The following TBC1D9B variants were observed in gnomAD, a reference collection of about 807,000 sequenced individuals.
The protein encoded by TBC1D9B is TBC1 domain family, member 9B (with GRAM domain).
In TBC1D9B, 87 loss-of-function variants were observed where a neutral mutation model predicts 121.1. That is an observed-to-expected ratio of 0.72 (90% CI 0.60 to 0.86). TBC1D9B has a LOEUF of 0.86. Among genes scored for constraint, TBC1D9B ranks in the 40% least tolerant of loss-of-function variants. The probability of loss-of-function intolerance (pLI) is 0.00; values close to 1 mark genes in which losing one functional copy is unlikely to be tolerated. For missense variants in TBC1D9B, 1,540 were observed against 1,628.6 expected, an observed-to-expected ratio of 0.95 and a Z score of 0.94; for synonymous variants, 668 against 670.1, an observed-to-expected ratio of 1.00 and a Z score of 0.05.
chr5:179,879,361 C>T, intron 8 of TBC1D9B, 164 bp from the exon 9 acceptor site: 1 of 1,209,846 alleles, frequency 8.3e-7, no homozygotes, highest in South Asian at 1.5e-5. Flanking sequence ...GCCACACCTC[C>T]CAAGGCTCAG....
chr5:179,870,597 G>A (rs1760163451), intron 15 of TBC1D9B, 102 bp from the exon 16 acceptor site: 2 of 1,458,710 alleles, frequency 1.4e-6, no homozygotes, highest in Non-Finnish European at 1.8e-6. Flanking sequence ...GTCCAAGCCT[G>A]CGGAGCCCTG....
chr5:179,884,535 G>T (rs932048102), intron 7 of TBC1D9B: 23 of 152,134 alleles, frequency 1.5e-4, no homozygotes, highest in Non-Finnish European at 2.4e-4. Flanking sequence ...GTCCCCAAAA[G>T]AACTGAAAGT....
intron 3 of TBC1D9B, among the ~76,000 whole-genome samples, chr5:179,896,982 C>G (rs1582102509): frequency 6.6e-6 from 1 of 152,220 alleles, no homozygotes; most frequent in Admixed American, 6.5e-5. Context: ...TCTCGGCTCA[C>G]TGCAACCTCC....
Position 179,891,010 on chromosome 5 carries a change from C to T in TBC1D9B, c.1044+369G>A, listed in dbSNP as rs939027132. On this transcript the variant is annotated intron_variant, in intron 6 of 20. Coordinates refer to ENST00000355235, the MANE Select transcript of TBC1D9B (RefSeq NM_015043.4). This position sits in a 1 kb window ranked among gnomAD's most constrained non-coding sequence, Gnocchi z 4.3. ...GGCCTCTGAGAGTGACATATGGGAC[C>T]GGTGCAGGAACACGGTCCTCTAAGC... 1.3e-5 allele frequency among the ~76,000 whole-genome samples: 2 copies of T among 152,224 alleles called. No individual in the cohort carries two copies. Among genetic ancestry groups the T allele is most frequent in the Non-Finnish European group, 1.5e-5 (1 of 68,028 alleles).
At chr5:179,878,693 C>T (rs1388852025) in intron 9 of TBC1D9B, among the ~76,000 whole-genome samples, 170 bp from the exon 10 acceptor site, 2 of 152,138 alleles carry the variant, frequency 1.3e-5, no homozygotes, top group Admixed American at 6.5e-5. Context: ...GTGCTCTACC[C>T]GAAAGTTCAA....
chr5:179,900,829 T>C (rs1761146149), intron 2 of TBC1D9B, among the ~76,000 whole-genome samples: 1 of 152,196 alleles, frequency 6.6e-6, no homozygotes, highest in Admixed American at 6.5e-5. Context: ...ACTACGGCAC[T>C]ATGCTCGGGA....
At chr5:179,899,535 T>G (rs1414680946) in intron 2 of TBC1D9B, among the ~76,000 whole-genome samples, 1 of 152,210 alleles carries the variant, frequency 6.6e-6, no homozygotes, top group African/African-American at 2.4e-5. Context: ...CACAGTCGTG[T>G]GGGAGAGAAT....
Position 179,879,803 on chromosome 5 carries a change from C to A in TBC1D9B, c.1255-14G>T. On this transcript the variant is annotated splice_polypyrimidine_tract_variant and intron_variant, in intron 7 of 20. Transcript: ENST00000355235. Reference sequence around the variant, plus strand: ...AGCTGGGGAAGACTAGAAAATAAAACAGGGAAGGGGACGCCCTAACAACTG... The same window carrying A: ...AGCTGGGGAAGACTAGAAAATAAAAAAGGGAAGGGGACGCCCTAACAACTG... The A allele has an allele frequency of 6.2e-7, 1 of 1,602,410 alleles. No individual in the cohort carries two copies. Among genetic ancestry groups the A allele is most frequent in the Non-Finnish European group, 8.5e-7 (1 of 1,174,640 alleles).
At chr5:179,905,288 A>T (rs1761281156) in intron 1 of TBC1D9B, among the ~76,000 whole-genome samples, 1 of 152,350 alleles carries the variant, frequency 6.6e-6, no homozygotes, top group East Asian at 1.9e-4. Flanking sequence ...TCTTCCGGAC[A>T]GTTCTGGTCC....
At chr5:179,867,613 C>T (rs931780321) in intron 18 of TBC1D9B, 165 bp downstream of exon 18, 25 of 1,488,300 alleles carry the variant, frequency 1.7e-5, no homozygotes, top group Non-Finnish European at 2.1e-5. Flanking sequence ...GCCCCAGCCC[C>T]CGCCAGCATG....
Position 179,904,858 on chromosome 5 carries a change from C to A in TBC1D9B, c.119-46G>T. 7.0e-7 allele frequency: 1 copy of A among 1,435,430 alleles called. No individual in the cohort carries two copies. The highest frequency in any genetic ancestry group is 9.5e-7 in the Non-Finnish European group (1 of 1,057,092). The allele number at this position is 1,435,430 out of a possible 1,614,324, so 88.9% of individuals were successfully genotyped here. A position where few individuals can be genotyped will look rare whatever the true frequency, so the allele number is the denominator to read the frequency against. ...CATAGAGGGTGAGGGGAGGGCCGGA[C>A]TGAGGCCCCTGAAGGCTGAGTCTGG... On this transcript the variant is annotated intron_variant, in intron 1 of 20. Transcript: ENST00000355235. This position sits in a 1 kb window ranked among gnomAD's most constrained non-coding sequence, Gnocchi z 4.2.
intron 1 of TBC1D9B, among the ~76,000 whole-genome samples, chr5:179,906,052 A>C (rs1027674888): frequency 6.6e-6 from 1 of 152,174 alleles, no homozygotes; most frequent in Admixed American, 6.5e-5. Flanking sequence ...GATAAATTTT[A>C]TATTTTTAGT....
At chr5:179,889,388 T>C (rs2113633864) in intron 6 of TBC1D9B, among the ~76,000 whole-genome samples, 1 of 151,976 alleles carries the variant, frequency 6.6e-6, no homozygotes, top group South Asian at 2.1e-4. Context: ...TGGGCGCAGG[T>C]CTGAGAGGGG....
Position 179,899,203 on chromosome 5 carries a change from T to C in TBC1D9B, c.334A>G (p.Lys112Glu). The change falls in exon 3 of 21, where the codon AAG becomes GAG. Residue 112 changes from lysine to glutamate, a missense_variant. By Grantham distance (56) the Lys-to-Glu change is moderately conservative. Transcript: ENST00000355235. ...DSEEDITTFVKGKIHGIIAEE... is the reference protein window; with the variant it reads ...DSEEDITTFVEGKIHGIIAEE... Reference sequence around the variant, plus strand: ...GTAAACCTTACGTGTATCTTGCCCTTGACGAAGGTGGTGATATCTTCCTCA... The same window carrying C: ...GTAAACCTTACGTGTATCTTGCCCTCGACGAAGGTGGTGATATCTTCCTCA... 2 of 1,613,528 alleles carry C rather than the reference T, an allele frequency of 1.2e-6. No individual in the cohort carries two copies. Among genetic ancestry groups the C allele is most frequent in the Non-Finnish European group, 8.5e-7 (1 of 1,179,630 alleles).
rs1760087745 is a variant in TBC1D9B, at chr5:179,868,471, A to G, written c.2792-622T>C. 2.0e-5 allele frequency: 3 copies of G among 152,368 alleles called. No individual in the cohort carries two copies. In the East Asian group the frequency reaches 5.8e-4, roughly 29 times the overall value. 9.4% of individuals were successfully genotyped at this position (152,368 alleles called of 1,614,324 possible). On this transcript the variant is annotated intron_variant, in intron 17 of 20. Coordinates refer to ENST00000355235, the MANE Select transcript of TBC1D9B (RefSeq NM_015043.4). Reference sequence around the variant, plus strand: ...ATCCAGCCGCTTTCCTGACTTTGACATTGTGTTTGAAAAGGAAATACATGT... The same window carrying G: ...ATCCAGCCGCTTTCCTGACTTTGACGTTGTGTTTGAAAAGGAAATACATGT...
chr5:179,879,972 C>T (rs1760489583), intron 7 of TBC1D9B, 183 bp from the exon 8 acceptor site: 1 of 683,708 alleles, frequency 1.5e-6, no homozygotes, highest in South Asian at 2.0e-5. Context: ...GCCCTCAGCT[C>T]CTCTCTGGCT....
Position 179,875,236 on chromosome 5 carries a change from G to C in TBC1D9B, c.1901-49C>G. On this transcript the variant is annotated intron_variant, in intron 11 of 20. Transcript: ENST00000355235. This position sits in a 1 kb window ranked among gnomAD's most constrained non-coding sequence, Gnocchi z 4.5. ...GATGGTGAGCCCACCCTGTGGCCTG[G>C]GTGGGCCCTCACCTGCAGCGTACGA... 3 of 1,591,084 alleles carry C rather than the reference G, an allele frequency of 1.9e-6. No individual in the cohort carries two copies. The highest frequency in any genetic ancestry group is 2.6e-6 in the Non-Finnish European group (3 of 1,171,234).
chr5:179,895,899 G>C (rs886755724), intron 3 of TBC1D9B, among the ~76,000 whole-genome samples: 1 of 152,184 alleles, frequency 6.6e-6, no homozygotes, highest in African/African-American at 2.4e-5. Context: ...ATTTTGAGCT[G>C]AAGGCAATTA....
intron 16 of TBC1D9B, 24 bp downstream of exon 16, chr5:179,870,231 C>T (rs373138443): frequency 1.1e-4 from 177 of 1,612,478 alleles, no homozygotes; most frequent in Non-Finnish European, 1.5e-4. Context: ...GGTCAAGCCC[C>T]TGGTAGGCCC....
Sources: allele counts gnomAD v4.1 joint callset (sites outside exome capture counted in the v4.1 genomes callset), GRCh38; gene constraint gnomAD v4.1.1; non-coding constraint Gnocchi (gnomAD v3.1); transcripts MANE v1.5; gene names NCBI Gene and HGNC (gene_info 2026-07-23, HGNC 2026-07-21).